The following MYH16 variants were observed in gnomAD, a reference collection of about 807,000 sequenced individuals.
The protein encoded by MYH16 is myosin heavy chain 16.
At chr7:99,245,781 C>A (rs1284234321) in intron 2 of MYH16, among the ~76,000 whole-genome samples, 2 of 152,208 alleles carry the variant, frequency 1.3e-5, no homozygotes, top group Non-Finnish European at 2.9e-5. Context: ...CTGCCTCAGC[C>A]TCCCAAAGTG....
intron 38 of MYH16, among the ~76,000 whole-genome samples, 175 bp from the exon 20 acceptor site, chr7:99,302,890 A>T (rs1792621629): frequency 6.7e-6 from 1 of 149,576 alleles, no homozygotes; most frequent in South Asian, 2.1e-4. Context: ...CTAAAAAAAA[A>T]AAAAAGAAAA....
chr7:99,278,691 G>A (rs1792152953), intron 21 of MYH16, among the ~76,000 whole-genome samples: 1 of 152,140 alleles, frequency 6.6e-6, no homozygotes, highest in South Asian at 2.1e-4. Flanking sequence ...CCTGGAAGGG[G>A]CCCAATTCCA....
At chr7:99,250,697 G>A (rs573125176) in intron 5 of MYH16, among the ~76,000 whole-genome samples, 11 of 152,216 alleles carry the variant, frequency 7.2e-5, no homozygotes, top group Admixed American at 5.9e-4. Context: ...AGCCGAGATC[G>A]TGCCACTGCA....
chr7:99,296,075 C>T (rs1434105605), intron 33 of MYH16, among the ~76,000 whole-genome samples: 2 of 146,034 alleles, frequency 1.4e-5, no homozygotes, highest in African/African-American at 2.6e-5. Context: ...ACCCAGGAGA[C>T]GGAGGTTGCA....
At chr7:99,301,357 G>A (rs1323591642) in intron 37 of MYH16, among the ~76,000 whole-genome samples, 1 of 152,144 alleles carries the variant, frequency 6.6e-6, no homozygotes, top group Non-Finnish European at 1.5e-5. Flanking sequence ...CATCAGGAAA[G>A]GTTTGACTTC....
chr7:99,302,885 AAAAAAAAAAAG>A (rs1258933985), intron 38 of MYH16, among the ~76,000 whole-genome samples, 169 bp from the exon 20 acceptor site: 3 of 150,144 alleles, frequency 2.0e-5, no homozygotes, highest in Admixed American at 6.6e-5. Flanking sequence ...CCTGCCTAAA[AAAAAAAAAAAG>A]AAAAAAAAAA....
At chr7:99,291,336 A>C in exon 31 of MYH16, 1 of 456,154 alleles carries the variant, frequency 2.2e-6, no homozygotes, top group Middle Eastern at 3.3e-4. Context: ...AAAATAGTGA[A>C]CTGAGCAGGG....
chr7:99,284,785 C>T (rs780051602), intron 25 of MYH16, 60 bp from the exon 8 acceptor site: 1 of 453,276 alleles, frequency 2.2e-6, no homozygotes, highest in Non-Finnish European at 4.4e-6. Context: ...GACATTCCCT[C>T]GCCAGCTTGC....
chr7:99,279,202 TA>T (rs970466264), intron 21 of MYH16, among the ~76,000 whole-genome samples: 1 of 150,604 alleles, frequency 6.6e-6, no homozygotes, highest in Non-Finnish European at 1.5e-5. Context: ...AAAATAAAAA[TA>T]AAAAACTTAG....
At chr7:99,260,123 C>T in intron 11 of MYH16, 2 of 1,527,070 alleles carry the variant, frequency 1.3e-6, no homozygotes, top group Non-Finnish European at 1.8e-6. Flanking sequence ...GCTCTCTGTG[C>T]CTGTGCTGAC....
At chr7:99,293,019 GTGGCTC>G (rs1364218864) in intron 32 of MYH16, among the ~76,000 whole-genome samples, 1 of 151,962 alleles carries the variant, frequency 6.6e-6, no homozygotes, top group Admixed American at 6.6e-5. Context: ...GGACATGAAA[GTGGCTC>G]TGGGCCTCTC....
chr7:99,309,935 T>C (rs1251526036), downstream of MYH16, among the ~76,000 whole-genome samples: 1 of 151,990 alleles, frequency 6.6e-6, no homozygotes, highest in African/African-American at 2.4e-5. Flanking sequence ...GGCAGGAGAA[T>C]TGCTTGAACC....
At chr7:99,295,265 G>C (rs1792466367) in intron 33 of MYH16, among the ~76,000 whole-genome samples, 1 of 151,814 alleles carries the variant, frequency 6.6e-6, no homozygotes, top group South Asian at 2.1e-4. Context: ...TGTAGTCCCA[G>C]CTACTCGGGA....
intron 34 of MYH16, among the ~76,000 whole-genome samples, chr7:99,297,301 C>T (rs545973335): frequency 3.4e-4 from 51 of 152,048 alleles, no homozygotes; most frequent in East Asian, 9.7e-4. Flanking sequence ...GGCATGGTGG[C>T]GGGCGCCTGT....
chr7:99,263,771 C>G (rs1791962070), intron 14 of MYH16, among the ~76,000 whole-genome samples: 1 of 152,168 alleles, frequency 6.6e-6, no homozygotes, highest in Non-Finnish European at 1.5e-5. Flanking sequence ...TGTTTCTTTT[C>G]TGTTTCCCTC....
At chr7:99,244,007 A>T (rs948627037) in intron 2 of MYH16, among the ~76,000 whole-genome samples, 1 of 152,088 alleles carries the variant, frequency 6.6e-6, no homozygotes, top group Non-Finnish European at 1.5e-5. Flanking sequence ...CCATCCAAAC[A>T]TCTATCCGTC....
chr7:99,286,804 A>C (rs562110118), intron 28 of MYH16, among the ~76,000 whole-genome samples: 68 of 151,760 alleles, frequency 4.5e-4, no homozygotes, highest in African/African-American at 1.6e-3. Context: ...CAAAAAAAAA[A>C]TTAGCTGGGC....
At chr7:99,292,281 C>CTGA (rs1285199292) in intron 31 of MYH16, 31 bp from the exon 13 acceptor site, 1 of 450,614 alleles carries the variant, frequency 2.2e-6, no homozygotes, top group Admixed American at 2.4e-5. Flanking sequence ...TGGAAAGCCC[C>CTGA]CACGGGCGCC....
chr7:99,283,285 ACT>A (rs1281399907), intron 23 of MYH16, among the ~76,000 whole-genome samples: 2 of 151,580 alleles, frequency 1.3e-5, no homozygotes, highest in African/African-American at 4.9e-5. Flanking sequence ...ACAGGGTCTG[ACT>A]CTGTCACCCA....
Sources: allele counts gnomAD v4.1 joint callset (sites outside exome capture counted in the v4.1 genomes callset), GRCh38; gene constraint gnomAD v4.1.1; transcripts MANE v1.5; gene names NCBI Gene and HGNC (gene_info 2026-07-23, HGNC 2026-07-21).